Variants in DIS3 observed in about 807,000 individuals in gnomAD.
DIS3 encodes the protein exosome complex exonuclease RRP44.
DIS3 carries 103 observed loss-of-function variants against 113.0 expected under a neutral mutation model. That is an observed-to-expected ratio of 0.91 (90% CI 0.78 to 1.07). DIS3 has a LOEUF of 1.07. Ranked by LOEUF, DIS3 falls within the 50% of genes least tolerant of loss-of-function variation. The probability of loss-of-function intolerance (pLI) is 0.00; values close to 1 mark genes in which losing one functional copy is unlikely to be tolerated. For missense variants in DIS3, 1,121 were observed against 1,167.1 expected (o/e 0.96, Z 0.58); for synonymous variants, 402 against 394.3 (o/e 1.02, Z -0.23).
chr13:72,762,090 CAA>C lies in DIS3; in HGVS notation c.2173_2174del (p.Leu725GlyfsTer35). ...GAAAAGTAGGAGATTCGGCCTGATCCAAAGACTCAGCCAAAGACTTGGCTGTA... is the reference window on the plus strand; with the variant it reads ...GAAAAGTAGGAGATTCGGCCTGATCCAGACTCAGCCAAAGACTTGGCTGTA... ...TDTAKSLAESLDQAESPTFPY... is the reference protein window; with the variant it reads ...TDTAKSLAESXDQAESPTFPY... On this transcript the variant is annotated frameshift_variant, in exon 17 of 21. Transcript: ENST00000377767. LOFTEE classifies it high-confidence loss of function. 6.2e-7 allele frequency: 1 copy of C among 1,614,012 alleles called. No homozygotes were observed. The highest frequency in any genetic ancestry group is 8.5e-7 in the Non-Finnish European group (1 of 1,180,020).
rs1246392584 is a variant in DIS3 at position 72,754,598 on chromosome 13, G to T, written c.*5197C>A. 2.6e-5 allele frequency: 4 copies of T among 152,218 alleles called. No individual in the cohort carries two copies. In the East Asian group the frequency reaches 5.8e-4, roughly 22 times the overall value. 9.4% of individuals were successfully genotyped at this position (152,218 alleles called of 1,614,324 possible). On this transcript the variant is annotated 3_prime_UTR_variant, in exon 21 of 21. Coordinates refer to ENST00000377767, the MANE Select transcript of DIS3 (RefSeq NM_014953.5). The stretch of plus-strand genomic sequence containing the variant: ...AGTAGGAGCAAACTGCCTTTCTGTT[G>T]TATGTAGTATCAGAGCAGGTCTCTT...
In DIS3 at chr13:72,759,231, T is replaced by C. The variant is rs12837; in HGVS notation, c.*564A>G. 1.0e-5 allele frequency: 2 copies of C among 198,806 alleles called. No homozygotes were observed. The highest frequency in any genetic ancestry group is 2.1e-5 in the Non-Finnish European group (2 of 96,274). The allele number at this position is 198,806 out of a possible 1,614,324, so 12.3% of individuals were successfully genotyped here. ...ATCCTACTTTTTGCCTTTCTACCAA[T>C]TCCCAAACATTCACAGTTTTTCAAG... On this transcript the variant is annotated 3_prime_UTR_variant, in exon 21 of 21. Transcript: ENST00000377767.
At chr13:72,781,578 C>T in intron 1 of DIS3, 27 bp downstream of exon 1, 1 of 1,484,212 alleles carries the variant, frequency 6.7e-7, no homozygotes, top group Non-Finnish European at 9.0e-7. Flanking sequence ...TGGGGCCGCG[C>T]TGTCCGCGGT....
rs2033554922 is a variant in DIS3 at position 72,758,762 on chromosome 13, T to C, written c.*1033A>G. ...TTTACTTGGCAGGCTTTTCTCACTA[T>C]ACTGCAAGCTCCTTGAAGGCAGAGA... On this transcript the variant is annotated 3_prime_UTR_variant, in exon 21 of 21. Coordinates refer to ENST00000377767, the MANE Select transcript of DIS3 (RefSeq NM_014953.5). 3 of 203,964 alleles carry C rather than the reference T, an allele frequency of 1.5e-5. No individual in the cohort carries two copies. Among genetic ancestry groups the C allele is most frequent in the South Asian group, 1.9e-4 (1 of 5,296 alleles). The allele number at this position is 203,964 out of a possible 1,614,324, so 12.6% of individuals were successfully genotyped here.
intron 19 of DIS3, among the ~76,000 whole-genome samples, 194 bp downstream of exon 19, chr13:72,761,169 T>C (rs897414707): frequency 1.3e-5 from 2 of 152,144 alleles, no homozygotes; most frequent in African/African-American, 2.4e-5. Flanking sequence ...AGAAGACATA[T>C]AGTGGTGAGA....
intron 1 of DIS3, 139 bp downstream of exon 1, chr13:72,781,466 A>C: frequency 6.9e-7 from 1 of 1,448,694 alleles, no homozygotes; most frequent in Admixed American, 2.6e-5. Flanking sequence ...GGGGAACAGG[A>C]AGCTTCGGTC....
chr13:72,772,712 G>C lies in DIS3; in HGVS notation c.1367C>G (p.Pro456Arg), dbSNP rs759976700. The C allele has an allele frequency of 6.2e-7, 1 of 1,610,992 alleles. No homozygotes were observed. Among genetic ancestry groups the C allele is most frequent in the Admixed American group, 1.7e-5 (1 of 59,108 alleles). The change falls in exon 9 of 21, where the codon CCC becomes CGC. Residue 456 changes from proline to arginine, a missense_variant. By Grantham distance (103) the Pro-to-Arg change is moderately radical. Coordinates refer to ENST00000377767, the MANE Select transcript of DIS3 (RefSeq NM_014953.5). ...ACTTACCTTTTCAGTAATGCTCCAG[G>C]GCATCTTTGGCAGAAAACTAAGAAC... Reference protein sequence around the residue: ...QAVLSFLPKMPWSITEKDMKN... With the variant: ...QAVLSFLPKMRWSITEKDMKN...
Position 72,780,829 on chromosome 13 carries a change from C to T in DIS3, c.386+17G>A, listed in dbSNP as rs908589434. 1 of 1,572,362 alleles carries T rather than the reference C, an allele frequency of 6.4e-7. No homozygotes were observed. The highest frequency in any genetic ancestry group is 8.6e-7 in the Non-Finnish European group (1 of 1,161,618). On this transcript the variant is annotated intron_variant, in intron 2 of 20. Transcript: ENST00000377767. ...AATCCTGTGGTTTTCTGATATTTAA[C>T]GTAATATTCCTCCTACCTATGGTGC... is the stretch of plus-strand genomic sequence containing the variant.
At chr13:72,768,134 A>T (rs953241201) in intron 14 of DIS3, among the ~76,000 whole-genome samples, 5 of 152,206 alleles carry the variant, frequency 3.3e-5, no homozygotes, top group Admixed American at 3.3e-4. Context: ...AAGTGCAAGG[A>T]GGACCTAATC....
At chr13:72,778,515 T>A (rs2034076293) in intron 2 of DIS3, 135 bp from the exon 3 acceptor site, 1 of 550,290 alleles carries the variant, frequency 1.8e-6, no homozygotes, top group Non-Finnish European at 2.9e-6. Flanking sequence ...TGTATTCAGA[T>A]GTACACCTCA....
Position 72,772,583 on chromosome 13 carries a change from G to A in DIS3, c.1386+110C>T, listed in dbSNP as rs77076356. The A allele has an allele frequency of 5.4e-5, 64 of 1,192,348 alleles. No homozygotes were observed. In the East Asian group the frequency reaches 1.2e-3, roughly 22 times the overall value. The allele number at this position is 1,192,348 out of a possible 1,614,324, so 73.9% of individuals were successfully genotyped here. Reference sequence around the variant, plus strand: ...AGAATGCTATACCCAACAAAATGCAGGAAAAGAGGGCCCGTGGTGTCTACA... The same window carrying A: ...AGAATGCTATACCCAACAAAATGCAAGAAAAGAGGGCCCGTGGTGTCTACA... On this transcript the variant is annotated intron_variant, in intron 9 of 20. Coordinates refer to ENST00000377767, the MANE Select transcript of DIS3 (RefSeq NM_014953.5).
At position 72,759,517 on chromosome 13, in the gene DIS3, T is replaced by C. The variant is rs1454533890; in HGVS notation, c.*278A>G. On this transcript the variant is annotated 3_prime_UTR_variant, in exon 21 of 21. Transcript: ENST00000377767. ...CAATGAGATGAGCACTCCATTTAAA[T>C]GATCTTTACAGATCCCTGAAGTTGC... 3 of 287,658 alleles carry C rather than the reference T, an allele frequency of 1.0e-5. No homozygotes were observed. The highest frequency in any genetic ancestry group is 6.4e-5 in the African/African-American group (3 of 46,546). 17.8% of individuals were successfully genotyped at this position (287,658 alleles called of 1,614,324 possible).
chr13:72,775,022 T>C (rs1056064708), intron 6 of DIS3, among the ~76,000 whole-genome samples, 189 bp downstream of exon 6: 9 of 152,152 alleles, frequency 5.9e-5, no homozygotes, highest in Non-Finnish European at 8.8e-5. Flanking sequence ...ACCCATTTAT[T>C]TGAGCAAATT....
intron 15 of DIS3, among the ~76,000 whole-genome samples, chr13:72,765,503 TC>T (rs2033723084): frequency 6.6e-6 from 1 of 152,118 alleles, no homozygotes; most frequent in African/African-American, 2.4e-5. Flanking sequence ...CATTAGATTA[TC>T]ATAAGAAGTG....
Position 72,761,797 on chromosome 13 carries a change from A to G in DIS3, c.2360T>C (p.Val787Ala), listed in dbSNP as rs188133512. The change falls in exon 18 of 21, where the codon GTT (valine) becomes GCT (alanine). Residue 787 changes from valine to alanine, a missense_variant. Coordinates refer to ENST00000377767, the MANE Select transcript of DIS3 (RefSeq NM_014953.5). ...AATAGCCACAGCCAAAAGCCGATGA[A>G]CAATGACATCTGCGTATCTAGATAG... ...SPIRRYADVI[V>A]HRLLAVAIGA... is the part of the protein sequence containing the mutation. 32 of 1,613,260 alleles carry G rather than the reference A, an allele frequency of 2.0e-5. No homozygotes were observed. Among genetic ancestry groups the G allele is most frequent in the Admixed American group, 8.4e-5 (5 of 59,826 alleles).
chr13:72,771,956 G>T (rs550331787), intron 10 of DIS3, 60 bp from the exon 11 acceptor site: 4 of 1,536,230 alleles, frequency 2.6e-6, no homozygotes, highest in African/African-American at 2.8e-5. Context: ...GTACCTAATG[G>T]AGTTTTAATA....
intron 2 of DIS3, among the ~76,000 whole-genome samples, chr13:72,778,683 CTAAA>C (rs2034080516): frequency 6.6e-6 from 1 of 152,106 alleles, no homozygotes; most frequent in South Asian, 2.1e-4. Context: ...GGTTGAGACA[CTAAA>C]TAATAGTTTG....
Position 72,781,776 on chromosome 13 carries a change from G to T in DIS3, c.57C>A (p.Ile19=), listed in dbSNP as rs2034245458. 6.2e-7 allele frequency: 1 copy of T among 1,605,118 alleles called. No individual in the cohort carries two copies. Among genetic ancestry groups the T allele is most frequent in the Non-Finnish European group, 8.5e-7 (1 of 1,175,968 alleles). The change falls in exon 1 of 21, where the codon ATC becomes ATA. Residue 19 remains isoleucine, a synonymous_variant. Transcript: ENST00000377767. ...CGTCTCGCAGGTAGTGCTCGCGCACGATCTTCATCACGCCGCCCGCCCGGG... is the reference window on the plus strand; with the variant it reads ...CGTCTCGCAGGTAGTGCTCGCGCACTATCTTCATCACGCCGCCCGCCCGGG... ...KKTRAGGVMK[I]VREHYLRDDI...
chr13:72,779,103 GT>G (rs2034091628), intron 2 of DIS3, among the ~76,000 whole-genome samples: 1 of 150,398 alleles, frequency 6.6e-6, no homozygotes, highest in African/African-American at 2.4e-5. Flanking sequence ...ATTCCTCATC[GT>G]TGAATGCACT....
Sources: gnomAD v4.1 joint callset for allele counts (sites outside exome capture counted in the v4.1 genomes callset) on GRCh38, gnomAD v4.1.1 for gene constraint, MANE v1.5 for transcripts, NCBI Gene and HGNC (gene_info 2026-07-23, HGNC 2026-07-21) for gene names.